DNM3: variants seen among roughly 807,000 people sequenced by gnomAD.
DNM3 encodes the protein dynamin 3.
A neutral mutation model predicts 101.6 loss-of-function variants in DNM3; 47 were observed. That is an observed-to-expected ratio of 0.46 (90% CI 0.37 to 0.59). The LOEUF (loss-of-function observed/expected upper bound fraction) is 0.59, where lower values mean the gene tolerates loss of function less well. Ranked by LOEUF, DNM3 falls within the 20% of genes least tolerant of loss-of-function variation. The pLI, the probability that DNM3 is intolerant of heterozygous loss-of-function variation, is 0.00. For synonymous variants in DNM3, 385 were observed against 387.9 expected, an observed-to-expected ratio of 0.99 and a Z score of 0.09; for missense variants, 849 against 1,085.7, an observed-to-expected ratio of 0.78 and a Z score of 3.06.
At chr1:172,004,584 A>C (rs2046556892) in intron 4 of DNM3, among the ~76,000 whole-genome samples, 2 of 151,816 alleles carry the variant, frequency 1.3e-5, no homozygotes, top group South Asian at 4.2e-4. Context: ...AACAAGGGGG[A>C]ATAGAAGCTG....
chr1:172,247,817 T>C (rs1038885483), intron 14 of DNM3, among the ~76,000 whole-genome samples: 1 of 152,056 alleles, frequency 6.6e-6, no homozygotes, highest in African/African-American at 2.4e-5. Context: ...CCCAAGTAGC[T>C]GGGATTACAG....
chr1:171,990,883 C>G (rs1200829216), intron 4 of DNM3, among the ~76,000 whole-genome samples: 1 of 152,132 alleles, frequency 6.6e-6, no homozygotes, highest in African/African-American at 2.4e-5. Flanking sequence ...ACTCCCTTTA[C>G]AGCGTCAGTG....
intron 14 of DNM3, among the ~76,000 whole-genome samples, chr1:172,171,644 T>C (rs2058965659): frequency 6.6e-6 from 1 of 151,732 alleles, no homozygotes; most frequent in Non-Finnish European, 1.5e-5. Context: ...CAGCTTCTCC[T>C]TGGTGTAGAG....
intron 4 of DNM3, among the ~76,000 whole-genome samples, chr1:171,989,378 T>C (rs971317959): frequency 1.1e-4 from 17 of 152,076 alleles, no homozygotes; most frequent in Admixed American, 2.6e-4. Context: ...AGTCAAAATC[T>C]ATATAAATCT....
At chr1:171,949,386 T>C (rs1245896384) in intron 2 of DNM3, among the ~76,000 whole-genome samples, 3 of 152,068 alleles carry the variant, frequency 2.0e-5, no homozygotes, top group African/African-American at 7.2e-5. Flanking sequence ...TTGAGGGAAA[T>C]AAAAATTAAA....
intron 1 of DNM3, among the ~76,000 whole-genome samples, chr1:171,888,907 G>A (rs190413564): frequency 1.2e-3 from 178 of 152,254 alleles, no homozygotes; most frequent in African/African-American, 4.2e-3. Context: ...AGATATTTTA[G>A]AAGGGATTGT....
At chr1:172,027,528 C>G (rs1334277784) in intron 4 of DNM3, among the ~76,000 whole-genome samples, 1 of 151,780 alleles carries the variant, frequency 6.6e-6, no homozygotes, top group African/African-American at 2.4e-5. Context: ...TGGCAGTGAG[C>G]TGAGATTGTG....
chr1:172,325,131 T>A (rs2065888502), intron 17 of DNM3, among the ~76,000 whole-genome samples: 1 of 152,190 alleles, frequency 6.6e-6, no homozygotes, highest in Non-Finnish European at 1.5e-5. Flanking sequence ...CAAAAAATAT[T>A]CAGTTTAATA....
intron 4 of DNM3, among the ~76,000 whole-genome samples, chr1:172,020,255 G>A (rs994179985): frequency 3.9e-5 from 6 of 152,214 alleles, no homozygotes; most frequent in Non-Finnish European, 5.9e-5. Flanking sequence ...CCCTTTAGGT[G>A]GGACCGGATG....
At position 172,370,124 on chromosome 1, in the gene DNM3, A is replaced by G. The variant is rs530044231; in HGVS notation, c.1894-8894A>G. 3.9e-5 allele frequency: 6 copies of G among 152,042 alleles called. No homozygotes were observed. In the South Asian group the frequency reaches 1.0e-3, roughly 26 times the overall value. The allele number at this position is 152,042 out of a possible 1,614,324, so 9.4% of individuals were successfully genotyped here. ...TGAATTTTGTGGGGGACACAACTCA[A>G]CTCATAATGCCTGTCAAAATAATAA... On this transcript the variant is annotated intron_variant, in intron 17 of 20. Transcript: ENST00000627582.
chr1:172,265,284 T>G (rs2062815922), intron 15 of DNM3, among the ~76,000 whole-genome samples: 1 of 152,112 alleles, frequency 6.6e-6, no homozygotes, highest in African/African-American at 2.4e-5. Flanking sequence ...CCTGGTGAAT[T>G]AATATAATCT....
At chr1:171,889,201 A>C (rs1342197109) in intron 1 of DNM3, among the ~76,000 whole-genome samples, 2 of 151,732 alleles carry the variant, frequency 1.3e-5, no homozygotes, top group Non-Finnish European at 2.9e-5. Context: ...TTGGTCTGCA[A>C]CTCCTAGGCT....
At chr1:172,193,547 T>C (rs901755438) in intron 14 of DNM3, among the ~76,000 whole-genome samples, 2 of 152,144 alleles carry the variant, frequency 1.3e-5, no homozygotes, top group Non-Finnish European at 2.9e-5. Context: ...AACTTGTTAT[T>C]GGTCTATTCA....
At chr1:172,316,029 C>T (rs553136655) in intron 16 of DNM3, among the ~76,000 whole-genome samples, 55 of 152,260 alleles carry the variant, frequency 3.6e-4, no homozygotes, top group Non-Finnish European at 5.1e-4. Flanking sequence ...ATCAGACTAA[C>T]GGCGGATCTC....
At chr1:172,203,825 C>T (rs928843708) in intron 14 of DNM3, among the ~76,000 whole-genome samples, 1 of 152,058 alleles carries the variant, frequency 6.6e-6, no homozygotes, top group African/African-American at 2.4e-5. Context: ...TGTATAAATT[C>T]TGATGTAAGT....
At chr1:172,327,426 C>G (rs938867179) in intron 17 of DNM3, among the ~76,000 whole-genome samples, 5 of 152,118 alleles carry the variant, frequency 3.3e-5, no homozygotes. Flanking sequence ...GCCCTCAACT[C>G]CTAAATTATT....
intron 17 of DNM3, among the ~76,000 whole-genome samples, chr1:172,360,396 T>C (rs1240323435): frequency 6.6e-6 from 1 of 152,080 alleles, no homozygotes; most frequent in Non-Finnish European, 1.5e-5. Context: ...TTAATTCAAA[T>C]GTAAAACAAC....
chr1:172,398,711 G>T (rs928607292), intron 20 of DNM3, among the ~76,000 whole-genome samples: 4 of 152,138 alleles, frequency 2.6e-5, no homozygotes, highest in Non-Finnish European at 4.4e-5. Context: ...CATATTTTGT[G>T]AACAATTTCT....
intron 17 of DNM3, among the ~76,000 whole-genome samples, chr1:172,329,111 A>T (rs2066070796): frequency 1.3e-5 from 2 of 152,088 alleles, no homozygotes; most frequent in South Asian, 4.1e-4. Flanking sequence ...TGTATGGTAA[A>T]ATCATTCAGA....
Sources: allele counts gnomAD v4.1 joint callset (sites outside exome capture counted in the v4.1 genomes callset), GRCh38; gene constraint gnomAD v4.1.1; transcripts MANE v1.5; gene names NCBI Gene and HGNC (gene_info 2026-07-23, HGNC 2026-07-21).